Variants in SIK3 observed in about 807,000 individuals in gnomAD.
The protein encoded by SIK3 is SIK family kinase 3.
A neutral mutation model predicts 144.2 loss-of-function variants in SIK3; 28 were observed. The observed-to-expected ratio is 0.19, with a 90% confidence interval of 0.14 to 0.27. SIK3 has a LOEUF of 0.27. Among genes scored for constraint, SIK3 ranks in the 10% least tolerant of loss-of-function variants. SIK3 has a pLI of 1.00. For synonymous variants in SIK3, 686 were observed against 676.3 expected (o/e 1.01, Z -0.22); for missense variants, 1,319 against 1,776.0 (o/e 0.74, Z 4.62).
intron 1 of SIK3, among the ~76,000 whole-genome samples, chr11:117,025,730 C>G (rs909478387): frequency 4.6e-5 from 7 of 152,086 alleles, no homozygotes; most frequent in African/African-American, 1.7e-4. Flanking sequence ...CCACACCCAG[C>G]CTATACTTTC....
chr11:117,084,574 C>G (rs986188165), intron 1 of SIK3, among the ~76,000 whole-genome samples: 2 of 152,018 alleles, frequency 1.3e-5, no homozygotes. Flanking sequence ...CCCAGCCTCC[C>G]GTTATTAAGT....
At chr11:117,005,336 G>GAAAAA (rs35279676) in intron 1 of SIK3, among the ~76,000 whole-genome samples, 16 of 55,968 alleles carry the variant, frequency 2.9e-4, no homozygotes, top group South Asian at 1.0e-3. Flanking sequence ...CCCCGTCTCA[G>GAAAAA]AAAAAAAAAA....
chr11:116,960,487 T>C lies in SIK3; in HGVS notation c.274-3423A>G, dbSNP rs74544106. On this transcript the variant is annotated intron_variant, in intron 1 of 24. Transcript: ENST00000445177. ...AGTGAGCCGTGATCACGCCACTGCA[T>C]TGCAATCTGTGCAACAGAATGAGAC... Among the ~76,000 whole-genome samples the C allele has an allele frequency of 5.2e-3, 794 of 152,252 alleles. 12 individuals are homozygous for C. Among genetic ancestry groups the C allele is most frequent in the African/African-American group, 0.018 (743 of 41,550 alleles).
At chr11:116,984,150 A>G (rs1186998730) in intron 1 of SIK3, among the ~76,000 whole-genome samples, 1 of 151,972 alleles carries the variant, frequency 6.6e-6, no homozygotes, top group Non-Finnish European at 1.5e-5. Flanking sequence ...AACCACTGGG[A>G]TAAGAACTTT....
chr11:116,892,089 G>C (rs764953639), intron 6 of SIK3, among the ~76,000 whole-genome samples: 69 of 152,194 alleles, frequency 4.5e-4, no homozygotes, highest in Non-Finnish European at 5.0e-4. Flanking sequence ...TGAAGATAAT[G>C]GTTAGCAAAT....
rs567793548 is a variant in SIK3 at position 116,872,180 on chromosome 11, GA to G, written c.1737+1300del. ...CACCAAGAACAGAAAATATTTCAAG[GA>G]AAAAAGAAGTCAACAGTGATTAATA... is the stretch of plus-strand genomic sequence containing the variant. On this transcript the variant is annotated intron_variant, in intron 13 of 24. Coordinates refer to ENST00000445177, the MANE Select transcript of SIK3 (RefSeq NM_001366686.3). 4.6e-5 allele frequency among the ~76,000 whole-genome samples: 7 copies of G among 152,074 alleles called. No individual in the cohort carries two copies. The East Asian group carries it at 1.2e-3, about 25-fold the overall frequency.
Position 116,867,359 on chromosome 11 carries a change from C to T in SIK3, c.1952+587G>A, listed in dbSNP as rs1943703720. On this transcript the variant is annotated intron_variant, in intron 15 of 24. Coordinates refer to ENST00000445177, the MANE Select transcript of SIK3 (RefSeq NM_001366686.3). This position sits in a 1 kb window ranked among gnomAD's most constrained non-coding sequence, Gnocchi z 4.1. ...AGTTTTCTTGGTCAGGAAGGTTAAA[C>T]TTGCTTTTATTTCTTCAAGAGAATG... Among the ~76,000 whole-genome samples, 1 of 152,210 alleles carries T rather than the reference C, an allele frequency of 6.6e-6. No individual in the cohort carries two copies. The highest frequency in any genetic ancestry group is 6.5e-5 in the Admixed American group (1 of 15,288).
intron 1 of SIK3, among the ~76,000 whole-genome samples, chr11:117,034,741 T>C (rs1952418960): frequency 6.6e-6 from 1 of 152,162 alleles, no homozygotes; most frequent in Non-Finnish European, 1.5e-5. Context: ...CTTTACAGAG[T>C]TACCTGGAAT....
In SIK3 at chr11:116,849,288, G is replaced by A. The variant is rs780825788; in HGVS notation, c.3656-5C>T. The A allele has an allele frequency of 2.0e-5, 33 of 1,614,098 alleles. No homozygotes were observed. In the South Asian group the frequency reaches 3.5e-4, roughly 17 times the overall value. ...TGCAGTTCCCTATGACAGGCTCTGA[G>A]GAGACACAGCAGAATAGAGTCAGTG... On this transcript the variant is annotated splice_region_variant and splice_polypyrimidine_tract_variant and intron_variant, in intron 21 of 24. Coordinates refer to ENST00000445177, the MANE Select transcript of SIK3 (RefSeq NM_001366686.3). This position sits in a 1 kb window ranked among gnomAD's most constrained non-coding sequence, Gnocchi z 4.2.
At chr11:117,037,490 T>A (rs750041957) in intron 1 of SIK3, among the ~76,000 whole-genome samples, 2 of 152,156 alleles carry the variant, frequency 1.3e-5, no homozygotes, top group South Asian at 2.1e-4. Context: ...AAGGAGGGAA[T>A]GATCATCATG....
rs137920231 is a variant in SIK3 at position 116,938,878 on chromosome 11, T to G, written c.455-11498A>C. ...TCAAAAGAAGAATGACTTAATGGAC[T>G]GAAGCACATAAAATATACTAAAATC... On this transcript the variant is annotated intron_variant, in intron 3 of 24. Transcript: ENST00000445177. Among the ~76,000 whole-genome samples the G allele has an allele frequency of 8.6e-4, 131 of 152,310 alleles. 1 individual carries two copies. Among genetic ancestry groups the G allele is most frequent in the African/African-American group, 2.9e-3 (119 of 41,570 alleles).
intron 1 of SIK3, among the ~76,000 whole-genome samples, chr11:116,996,912 C>CTTA (rs1293620870): frequency 1.4e-5 from 2 of 147,820 alleles, no homozygotes; most frequent in African/African-American, 2.5e-5. Flanking sequence ...TAGCTATTCT[C>CTTA]AATTAAGTTG....
chr11:116,876,536 A>T lies in SIK3; in HGVS notation c.985-173T>A, dbSNP rs11216170. 9.7e-3 allele frequency among the ~76,000 whole-genome samples: 1,480 copies of T among 152,298 alleles called. 21 individuals are homozygous for T. Among genetic ancestry groups the T allele is most frequent in the African/African-American group, 0.031 (1,299 of 41,572 alleles). On this transcript the variant is annotated intron_variant, in intron 7 of 24. Transcript: ENST00000445177. ...ATCAGCTGTAAACAGACAACAACTC[A>T]CTGTTTCCTGAGCTCCCTGGCATAC...
chr11:116,915,124 A>ATGTGTGCGTGTGTG (rs1946552780), intron 4 of SIK3, among the ~76,000 whole-genome samples: 1 of 129,928 alleles, frequency 7.7e-6, no homozygotes, highest in Non-Finnish European at 1.6e-5. Flanking sequence ...GAAGCCATAT[A>ATGTGTGCGTGTGTG]TGTGTGTGTG....
At chr11:117,077,882 A>G (rs1370998837) in intron 1 of SIK3, among the ~76,000 whole-genome samples, 1 of 152,210 alleles carries the variant, frequency 6.6e-6, no homozygotes, top group African/African-American at 2.4e-5. Flanking sequence ...AGGGTCCCAA[A>G]CAAACCTGTG....
At chr11:116,940,237 T>G (rs548162823) in intron 3 of SIK3, among the ~76,000 whole-genome samples, 21 of 151,158 alleles carry the variant, frequency 1.4e-4, no homozygotes, top group Middle Eastern at 3.4e-3. Context: ...TTTTGTTTTT[T>G]TTTTTTTTTT....
chr11:116,944,928 C>T (rs949271080), intron 3 of SIK3, among the ~76,000 whole-genome samples: 29 of 152,004 alleles, frequency 1.9e-4, no homozygotes, highest in Non-Finnish European at 2.8e-4. Context: ...AAATTCAAAA[C>T]TCAGTTCCTC....
chr11:116,989,416 C>T (rs974758307), intron 1 of SIK3, among the ~76,000 whole-genome samples: 5 of 152,168 alleles, frequency 3.3e-5, no homozygotes, highest in African/African-American at 1.2e-4. Context: ...TGCCACTCTG[C>T]CTCTTGAAAA....
chr11:116,903,068 A>G (rs1945823017), intron 4 of SIK3, among the ~76,000 whole-genome samples: 1 of 152,242 alleles, frequency 6.6e-6, no homozygotes. Context: ...CCATTCAGCT[A>G]TAACATAACT....
Sources: gnomAD v4.1 joint callset for allele counts (sites outside exome capture counted in the v4.1 genomes callset) on GRCh38, gnomAD v4.1.1 for gene constraint, Gnocchi (gnomAD v3.1) non-coding constraint, MANE v1.5 for transcripts, NCBI Gene and HGNC (gene_info 2026-07-23, HGNC 2026-07-21) for gene names.